The following YAE1 variants were observed in gnomAD, a reference collection of about 807,000 sequenced individuals.
YAE1 encodes YAE1 maturation factor of ABCE1.
YAE1 carries 22 observed loss-of-function variants against 23.0 expected under a neutral mutation model. The observed-to-expected ratio is 0.96, with a 90% CI of 0.68 to 1.37. The LOEUF is 1.37. YAE1 is among the 40% of genes most tolerant of loss of function. The pLI is 0.00. For missense variants in YAE1, 260 were observed against 262.1 expected, an observed-to-expected ratio of 0.99 and a Z score of 0.06; for synonymous variants, 101 against 97.0, an observed-to-expected ratio of 1.04 and a Z score of -0.24.
chr7:39,574,668 G>C (rs1410345692), downstream of YAE1, among the ~76,000 whole-genome samples: 1 of 150,508 alleles, frequency 6.6e-6, no homozygotes, highest in Non-Finnish European at 1.5e-5. Flanking sequence ...AGGAAGCGGA[G>C]GTTGCAGTGA....
rs1279841951 is a variant in YAE1, at chr7:39,609,068, A to C, written c.252-549A>C. On this transcript the variant is annotated intron_variant, in intron 2 of 2. Coordinates refer to the YAE1 transcript ENST00000432096. ...ATGTCAGAAATCTCACTTTCAGAAA[A>C]GTTGTCACCTTTTCTTTGCACTCCA... Among the ~76,000 whole-genome samples the C allele has an allele frequency of 3.3e-5, 5 of 152,348 alleles. No individual in the cohort carries two copies. The East Asian group carries it at 9.6e-4, about 29-fold the overall frequency.
intron 2 of YAE1, among the ~76,000 whole-genome samples, chr7:39,580,159 A>G (rs746102287): frequency 1.3e-5 from 2 of 152,236 alleles, no homozygotes; most frequent in Non-Finnish European, 2.9e-5. Flanking sequence ...AGGGGAGAAT[A>G]TTATGTAGAA....
At chr7:39,577,971 C>CT (rs1790681315) in intron 2 of YAE1, among the ~76,000 whole-genome samples, 1 of 151,542 alleles carries the variant, frequency 6.6e-6, no homozygotes, top group African/African-American at 2.4e-5. Flanking sequence ...AATCAGTGCT[C>CT]TGTGTCTAGC....
At chr7:39,588,314 A>G (rs1790849995) in intron 2 of YAE1, among the ~76,000 whole-genome samples, 1 of 152,138 alleles carries the variant, frequency 6.6e-6, no homozygotes, top group East Asian at 1.9e-4. Context: ...GAGTTCAAGA[A>G]CAGCCTGGCC....
At chr7:39,594,406 TAA>T (rs1489491671) in intron 2 of YAE1, among the ~76,000 whole-genome samples, 1 of 152,220 alleles carries the variant, frequency 6.6e-6, no homozygotes, top group Non-Finnish European at 1.5e-5. Flanking sequence ...CACCCTCAGG[TAA>T]AGAGTCATAA....
chr7:39,586,231 GGT>G (rs1315390923), intron 2 of YAE1, among the ~76,000 whole-genome samples: 5 of 150,182 alleles, frequency 3.3e-5, no homozygotes, highest in Middle Eastern at 3.4e-3. Context: ...GGAGTGCAGT[GGT>G]GCGAACTCTG....
intron 2 of YAE1, among the ~76,000 whole-genome samples, chr7:39,578,726 C>T (rs958798166): frequency 2.0e-5 from 3 of 152,072 alleles, no homozygotes; most frequent in East Asian, 1.9e-4. Flanking sequence ...GGACACACCA[C>T]CTTTAAGAAC....
chr7:39,608,209 A>C (rs1479337546), intron 2 of YAE1, among the ~76,000 whole-genome samples: 1 of 152,270 alleles, frequency 6.6e-6, no homozygotes. Flanking sequence ...AGAAACAAGG[A>C]CATAAGTGAA....
chr7:39,609,668 G>A lies in YAE1; in HGVS notation c.303G>A (p.Pro101=), dbSNP rs1791178808. Residue 101 remains proline (P), a synonymous_variant, in exon 3 of 3, where the codon CCG becomes CCA. Coordinates refer to the YAE1 transcript ENST00000432096. ...GCTTGAGAGCCCCGCTGAGGAGTCC[G>A]GAGGTTGGGACGCAACTACTGCCGC... is the stretch of plus-strand genomic sequence containing the variant. 6 of 1,535,594 alleles carry A rather than the reference G, an allele frequency of 3.9e-6. No individual in the cohort carries two copies. In the East Asian group the frequency reaches 7.3e-5, roughly 19 times the overall value.
intron 1 of YAE1, chr7:39,569,401 A>G (rs1790529809): frequency 2.2e-6 from 1 of 453,300 alleles, no homozygotes; most frequent in Non-Finnish European, 4.3e-6. Context: ...TGATGGACCC[A>G]GAGAGTGTTG....
intron 2 of YAE1, among the ~76,000 whole-genome samples, chr7:39,590,314 TA>T (rs548032768): frequency 3.3e-5 from 5 of 149,656 alleles, no homozygotes; most frequent in Middle Eastern, 3.4e-3. Context: ...GAAATTAAAT[TA>T]TTTTTTTAAA....
At chr7:39,606,188 A>T (rs1249408172) in intron 2 of YAE1, among the ~76,000 whole-genome samples, 1 of 152,166 alleles carries the variant, frequency 6.6e-6, no homozygotes, top group Non-Finnish European at 1.5e-5. Context: ...TGCTCAAAAA[A>T]AATAAAAAAG....
chr7:39,572,252 A>G lies in YAE1; in HGVS notation c.252-25A>G, dbSNP rs78946261. The G allele has an allele frequency of 1.0e-3, 1,615 of 1,569,332 alleles. 41 individuals are homozygous for G. The East Asian group carries it at 0.033, about 32-fold the overall frequency. ...ATTTTTAAGTCCTATTTTGCTATTT[A>G]ACCCTTGTTTATACTTTTGTTCAGT... On this transcript the variant is annotated intron_variant, in intron 2 of 2. Coordinates refer to ENST00000223273, the MANE Select transcript of YAE1 (RefSeq NM_020192.5).
chr7:39,609,833 C>A (rs1791183253), exon 3 of YAE1: 1 of 1,533,114 alleles, frequency 6.5e-7, no homozygotes, highest in Non-Finnish European at 8.7e-7. Flanking sequence ...GGGCCCCAGG[C>A]CCTGGGACGC....
intron 2 of YAE1, among the ~76,000 whole-genome samples, chr7:39,589,754 A>G (rs1181652343): frequency 6.6e-6 from 1 of 152,228 alleles, no homozygotes; most frequent in Non-Finnish European, 1.5e-5. Context: ...TCCAGTTCCC[A>G]GGAGGCCCCA....
At chr7:39,585,830 G>A (rs1790806788) in intron 2 of YAE1, among the ~76,000 whole-genome samples, 1 of 152,182 alleles carries the variant, frequency 6.6e-6, no homozygotes, top group African/African-American at 2.4e-5. Flanking sequence ...CTTGATGGGA[G>A]CGGTGGCTCA....
intron 2 of YAE1, among the ~76,000 whole-genome samples, chr7:39,577,957 C>A (rs1001740981): frequency 1.3e-5 from 2 of 151,746 alleles, no homozygotes; most frequent in African/African-American, 4.9e-5. Context: ...TTTGTAAACA[C>A]ACCAATCAGT....
At chr7:39,599,765 C>T (rs1210670203) in intron 2 of YAE1, among the ~76,000 whole-genome samples, 1 of 149,820 alleles carries the variant, frequency 6.7e-6, no homozygotes, top group Non-Finnish European at 1.5e-5. Context: ...ATGGAGTCTC[C>T]CTCTGTCGTC....
Position 39,572,697 on chromosome 7 carries a change from A to G in YAE1, c.672A>G (p.Lys224=). The change falls in exon 3 of 3, where the codon AAA becomes AAG. Residue 224 remains lysine, a synonymous_variant. Coordinates refer to ENST00000223273, the MANE Select transcript of YAE1 (RefSeq NM_020192.5). ...GLSVDVLQHL[K]QL is the part of the protein sequence containing the mutation. ...CAGTAGATGTATTACAACACCTCAA[A>G]CAACTATAAAATTACCTTCCCTTTT... 1 of 1,568,872 alleles carries G rather than the reference A, an allele frequency of 6.4e-7. No homozygotes were observed. The highest frequency in any genetic ancestry group is 8.6e-7 in the Non-Finnish European group (1 of 1,163,120).
Sources: allele counts gnomAD v4.1 joint callset (sites outside exome capture counted in the v4.1 genomes callset), GRCh38; gene constraint gnomAD v4.1.1; transcripts MANE v1.5; gene names NCBI Gene and HGNC (gene_info 2026-07-23, HGNC 2026-07-21).